The following ANO7 variants were observed in gnomAD, a reference collection of about 807,000 sequenced individuals.
The protein encoded by ANO7 is anoctamin 7, also known as anoctamin-7.
In ANO7, 114 loss-of-function variants were observed where a neutral mutation model predicts 115.8. The ratio of observed to expected loss-of-function variants is 0.98; its 90% CI spans 0.85 to 1.15. The LOEUF is 1.15. ANO7 is among the 50% of genes most tolerant of loss of function. The pLI is 0.00. For missense variants in ANO7, 1,302 were observed against 1,201.2 expected (o/e 1.08, Z -1.24); for synonymous variants, 550 against 498.2 (o/e 1.10, Z -1.38).
At chr2:241,193,230 C>T (rs1054182874) in intron 3 of ANO7, among the ~76,000 whole-genome samples, 2 of 151,856 alleles carry the variant, frequency 1.3e-5, no homozygotes, top group Admixed American at 6.6e-5. Context: ...CCACCACGCC[C>T]GGTTAATTTT....
In ANO7 at chr2:241,210,310, A is replaced by G; in HGVS notation, c.1375A>G (p.Met459Val). 2 of 1,613,922 alleles carry G rather than the reference A, an allele frequency of 1.2e-6. No homozygotes were observed. Among genetic ancestry groups the G allele is most frequent in the Non-Finnish European group, 8.5e-7 (1 of 1,179,968 alleles). ...VIVVMVAVVV[M>V]CLVSIILYRA... ...GCCCCCGCAGGTGGCCGTGGTGGTC[A>G]TGTGCCTCGTGTCTATCATCCTGTA... The change falls in exon 14 of 25, where the codon ATG becomes GTG. Residue 459 changes from methionine (M) to valine (V), a missense_variant. By Grantham distance (21) the Met-to-Val change is conservative. Coordinates refer to ENST00000674324, the MANE Select transcript of ANO7 (RefSeq NM_001370694.2).
At chr2:241,233,411 T>C in the ANO7 span, among the ~76,000 whole-genome samples, 1 of 151,690 alleles carries the variant, frequency 6.6e-6, no homozygotes, top group Non-Finnish European at 1.5e-5. The surrounding 1 kb of genome is among the most constrained non-coding windows in gnomAD (Gnocchi z 4.3). Context: ...AGCACAACGG[T>C]GTTTGCAGCT....
chr2:241,209,320 C>A lies in ANO7; in HGVS notation c.1113C>A (p.Phe371Leu). 6.4e-7 allele frequency: 1 copy of A among 1,570,680 alleles called. No individual in the cohort carries two copies. The highest frequency in any genetic ancestry group is 2.4e-5 in the East Asian group (1 of 42,182). ...TGTTCGACCACGGCGGCACCGTGTT[C>A]TTCAGCTTGTTCATGGCACTGTGGG... Reference protein sequence around the residue: ...GRLFDHGGTVFFSLFMALWAV... With the variant: ...GRLFDHGGTVLFSLFMALWAV... Residue 371 changes from phenylalanine to leucine, a missense_variant, in exon 12 of 25, where the codon TTC (phenylalanine) becomes TTA (leucine). Physicochemically the swap from Phe to Leu is conservative, Grantham distance 22. Coordinates refer to ENST00000674324, the MANE Select transcript of ANO7 (RefSeq NM_001370694.2).
Position 241,209,493 on chromosome 2 carries a change from T to C in ANO7, c.1222-5T>C. 1 of 1,596,812 alleles carries C rather than the reference T, an allele frequency of 6.3e-7. No individual in the cohort carries two copies. The highest frequency in any genetic ancestry group is 8.5e-7 in the Non-Finnish European group (1 of 1,171,568). On this transcript the variant is annotated splice_polypyrimidine_tract_variant and splice_region_variant and intron_variant, in intron 12 of 24. Transcript: ENST00000674324. Reference sequence around the variant, plus strand: ...GGCCGCCACTGAGCACCGGCTCCCTTCCAGGAGAGGCCTCGGCCCCAGTTT... The same window carrying C: ...GGCCGCCACTGAGCACCGGCTCCCTCCCAGGAGAGGCCTCGGCCCCAGTTT...
chr2:241,235,185 A>G, the ANO7 span: 1 of 1,614,212 alleles, frequency 6.2e-7, no homozygotes, highest in Non-Finnish European at 8.5e-7. Context: ...GGCCCGGTCC[A>G]AATTTGCAGC....
intron 8 of ANO7, among the ~76,000 whole-genome samples, 169 bp downstream of exon 8, chr2:241,202,473 G>A (rs1445068826): frequency 2.0e-5 from 3 of 152,222 alleles, no homozygotes; most frequent in Admixed American, 6.5e-5. Flanking sequence ...AGGCCATCCC[G>A]TGGCCTGTCC....
In ANO7 at chr2:241,210,462, C is replaced by T. The variant is rs372713626; in HGVS notation, c.1459-6C>T. On this transcript the variant is annotated splice_region_variant and splice_polypyrimidine_tract_variant and intron_variant, in intron 14 of 24. Transcript: ENST00000674324. The stretch of plus-strand genomic sequence containing the variant: ...CATCCGGCTCTGACGGCCTGTCTCC[C>T]GTTAGGCCTCTCGCATCGCCAGCCT... The T allele has an allele frequency of 2.0e-4, 315 of 1,613,880 alleles. No individual in the cohort carries two copies. Among genetic ancestry groups the T allele is most frequent in the Middle Eastern group, 3.3e-4 (2 of 6,062 alleles).
chr2:241,226,559 G>T (rs986661568), downstream of ANO7, among the ~76,000 whole-genome samples: 12 of 151,948 alleles, frequency 7.9e-5, no homozygotes, highest in African/African-American at 2.9e-4. Context: ...CGAGTAGCTG[G>T]GACTACAGGC....
Position 241,203,696 on chromosome 2 carries a change from G to A in ANO7, c.889+198G>A, listed in dbSNP as rs931342863. On this transcript the variant is annotated intron_variant, in intron 9 of 24. Transcript: ENST00000674324. The surrounding 1 kb of genome is among the most constrained non-coding windows in gnomAD (Gnocchi z 4.8). ...TCTAACTGGGCGCCATGACGATGCC[G>A]GGCCCTGGCCTCCTAATGCTCCAGT... Among the ~76,000 whole-genome samples, 44 of 152,198 alleles carry A rather than the reference G, an allele frequency of 2.9e-4. No individual in the cohort carries two copies. Among genetic ancestry groups the A allele is most frequent in the African/African-American group, 9.1e-4 (38 of 41,536 alleles).
At chr2:241,229,848 G>A, downstream of ANO7, 1 of 1,576,640 alleles carries the variant, frequency 6.3e-7, no homozygotes, top group South Asian at 1.2e-5. Context: ...CACTGCTGCT[G>A]GCGGTCCAGG....
chr2:241,210,433 C>T (rs1449490000), intron 14 of ANO7, 35 bp from the exon 15 acceptor site: 3 of 1,613,782 alleles, frequency 1.9e-6, no homozygotes, highest in South Asian at 1.1e-5. Context: ...CCTGAGCGGC[C>T]CCTCATCCGG....
the ANO7 span, chr2:241,236,848 G>A: frequency 6.8e-7 from 1 of 1,467,970 alleles, no homozygotes; most frequent in African/African-American, 1.4e-5. Context: ...ATATGTCTGT[G>A]AGGCACCTGC....
the ANO7 span, chr2:241,240,200 G>C: frequency 7.1e-7 from 1 of 1,402,446 alleles, no homozygotes; most frequent in South Asian, 1.2e-5. The surrounding 1 kb of genome is among the most constrained non-coding windows in gnomAD (Gnocchi z 5.5). Flanking sequence ...GGGTCTGTAG[G>C]ACAGCAAGCT....
intron 4 of ANO7, 132 bp downstream of exon 4, chr2:241,195,977 C>A: frequency 6.4e-7 from 1 of 1,558,034 alleles, no homozygotes; most frequent in East Asian, 2.3e-5. Flanking sequence ...TCCTGCTGGA[C>A]CCCCCAGCCA....
At chr2:241,214,750 C>CGTG in intron 17 of ANO7, 55 bp from the exon 18 acceptor site, 1 of 1,507,810 alleles carries the variant, frequency 6.6e-7, no homozygotes, top group South Asian at 1.1e-5. Context: ...AGAAGGGATG[C>CGTG]GTGGGTGAGT....
intron 9 of ANO7, among the ~76,000 whole-genome samples, chr2:241,204,082 G>A (rs2068534543): frequency 6.6e-6 from 1 of 152,232 alleles, no homozygotes; most frequent in Admixed American, 6.5e-5. Context: ...AGGGCAGCGG[G>A]CGGGGCCGGC....
intron 11 of ANO7, 110 bp from the exon 12 acceptor site, chr2:241,209,175 C>G: frequency 7.8e-7 from 1 of 1,285,152 alleles, no homozygotes. Context: ...AATACACAGT[C>G]GGGGGATGTG....
At chr2:241,190,703 C>T (rs1006820838) in intron 2 of ANO7, among the ~76,000 whole-genome samples, 1 of 152,208 alleles carries the variant, frequency 6.6e-6, no homozygotes, top group African/African-American at 2.4e-5. Flanking sequence ...CCCTTCCTGC[C>T]GCCCCAAGCA....
rs765168254 is a variant in ANO7 at position 241,210,577 on chromosome 2, G to A, written c.1561+7G>A. The A allele has an allele frequency of 6.2e-7, 1 of 1,612,694 alleles. No homozygotes were observed. The highest frequency in any genetic ancestry group is 1.1e-5 in the South Asian group (1 of 91,068). ...CACGTCCTGACACGATGGGGTGAGT[G>A]GGCTGAGGCCGGCCAGGCACTGACC... On this transcript the variant is annotated splice_region_variant and intron_variant, in intron 15 of 24. Transcript: ENST00000674324.
Sources: gnomAD v4.1 joint callset for allele counts (sites outside exome capture counted in the v4.1 genomes callset) on GRCh38, gnomAD v4.1.1 for gene constraint, Gnocchi (gnomAD v3.1) non-coding constraint, MANE v1.5 for transcripts, NCBI Gene and HGNC (gene_info 2026-07-23, HGNC 2026-07-21) for gene names.